The following TRIOBP variants were observed in gnomAD, a reference collection of about 807,000 sequenced individuals.
TRIOBP encodes the protein TRIO and F-actin binding protein, also known as TRIO and F-actin-binding protein.
A neutral mutation model predicts 238.8 loss-of-function variants in TRIOBP; 169 were observed. The ratio of observed to expected loss-of-function variants is 0.71; its 90% CI spans 0.62 to 0.80. TRIOBP has a LOEUF of 0.80. Among genes scored for constraint, TRIOBP ranks in the 30% least tolerant of loss-of-function variants. The pLI, the probability that TRIOBP is intolerant of heterozygous loss-of-function variation, is 0.00. For missense variants in TRIOBP, 2,838 were observed against 3,122.6 expected (o/e 0.91, Z 2.17); for synonymous variants, 1,150 against 1,274.4 (o/e 0.90, Z 2.08).
chr22:37,707,041 G>A (rs1922980932), intron 3 of TRIOBP, among the ~76,000 whole-genome samples: 3 of 152,196 alleles, frequency 2.0e-5, no homozygotes, highest in Admixed American at 2.0e-4. Context: ...GCCGAGGCGG[G>A]TGGATCACTT....
At position 37,731,437 on chromosome 22, in the gene TRIOBP, T is replaced by C. The variant is rs947465426; in HGVS notation, c.3948-1861T>C. On this transcript the variant is annotated intron_variant, in intron 7 of 23. Transcript: ENST00000644935. Reference sequence around the variant, plus strand: ...ATTACAGGTGTAAAGACACTGTACCTGGCCTCCCAACCCCATATATATATA... The same window carrying C: ...ATTACAGGTGTAAAGACACTGTACCCGGCCTCCCAACCCCATATATATATA... 2.7e-5 allele frequency among the ~76,000 whole-genome samples: 4 copies of C among 145,668 alleles called. No homozygotes were observed. In the Admixed American group the frequency reaches 2.9e-4, roughly 10 times the overall value.
chr22:37,771,913 A>G, intron 22 of TRIOBP, 177 bp downstream of exon 22: 1 of 707,744 alleles, frequency 1.4e-6, no homozygotes, highest in Non-Finnish European at 2.6e-6. Context: ...ACTGAGACTA[A>G]GAAAGGGGAA....
intron 12 of TRIOBP, among the ~76,000 whole-genome samples, chr22:37,752,047 C>T (rs1336886107): frequency 6.6e-6 from 1 of 152,190 alleles, no homozygotes; most frequent in African/African-American, 2.4e-5. Context: ...CACCCAGTGC[C>T]CCATCCCTTG....
intron 11 of TRIOBP, among the ~76,000 whole-genome samples, chr22:37,750,021 G>A (rs925512059): frequency 3.3e-5 from 5 of 152,170 alleles, no homozygotes; most frequent in African/African-American, 7.2e-5. Context: ...TGCCTGACAT[G>A]GTATGTGATG....
intron 4 of TRIOBP, among the ~76,000 whole-genome samples, chr22:37,712,404 T>A (rs1923298128): frequency 6.6e-6 from 1 of 152,060 alleles, no homozygotes; most frequent in Admixed American, 6.5e-5. Context: ...CGATCTTGGC[T>A]CACTGCAACC....
rs994318990 is a variant in TRIOBP, at chr22:37,721,018, C to T, written c.629-2167C>T. Among the ~76,000 whole-genome samples the T allele has an allele frequency of 1.1e-4, 14 of 133,116 alleles. No homozygotes were observed. The South Asian group carries it at 2.5e-3, about 24-fold the overall frequency. The allele number at this position is 133,116 out of a possible 152,430, so 87.3% of individuals were successfully genotyped here. On this transcript the variant is annotated intron_variant, in intron 6 of 23. Coordinates refer to ENST00000644935, the MANE Select transcript of TRIOBP (RefSeq NM_001039141.3). ...GATTACAGGCATGCACTACTGCATCCGGCTAATTTTTTTTTTTTTTTTTTG... is the reference window on the plus strand; with the variant it reads ...GATTACAGGCATGCACTACTGCATCTGGCTAATTTTTTTTTTTTTTTTTTG...
Position 37,733,370 on chromosome 22 carries a change from C to T in TRIOBP, c.4020C>T (p.Ser1340=). Residue 1340 remains serine, a synonymous_variant, in exon 8 of 24, where the codon AGC becomes AGT. Coordinates refer to ENST00000644935, the MANE Select transcript of TRIOBP (RefSeq NM_001039141.3). ...CACAGCAGCCCAGCCAAGGCCAGAG[C>T]CAACTTCTCCGAAGACAGTCCAGCC... The part of the protein sequence containing the change: ...GRSQQPSQGQ[S]QLLRRQSSPA... The T allele has an allele frequency of 1.3e-6, 2 of 1,551,390 alleles. No individual in the cohort carries two copies. The highest frequency in any genetic ancestry group is 1.2e-5 in the South Asian group (1 of 84,118).
At position 37,726,191 on chromosome 22, in the gene TRIOBP, T is replaced by A. The variant is rs201392187; in HGVS notation, c.3635T>A (p.Leu1212Gln). Residue 1212 changes from leucine (L) to glutamine (Q), a missense_variant, in exon 7 of 24, where the codon CTG (leucine) becomes CAG (glutamine). By Grantham distance (113) the Leu-to-Gln change is moderately radical (BLOSUM62 -2). Coordinates refer to ENST00000644935, the MANE Select transcript of TRIOBP (RefSeq NM_001039141.3). ...STDSLHGSPV[L>Q]IPQVCIGHRD... ...GACTCTCTGCATGGCTCCCCAGTGC[T>A]GATCCCCCAAGTGTGCATCGGGCAC... is the stretch of plus-strand genomic sequence containing the variant. 1.7e-4 allele frequency: 262 copies of A among 1,572,850 alleles called. No individual in the cohort carries two copies. In the African/African-American group the frequency reaches 3.1e-3, roughly 18 times the overall value.
intron 17 of TRIOBP, among the ~76,000 whole-genome samples, chr22:37,763,260 T>C (rs967232314): frequency 3.3e-5 from 5 of 152,212 alleles, no homozygotes; most frequent in Non-Finnish European, 7.3e-5. Context: ...CTGTGAGGCC[T>C]GCTTTACGGA....
rs1216164980 is a variant in TRIOBP at position 37,710,522 on chromosome 22, C to A, written c.210C>A (p.Gly70=). 1 of 1,612,278 alleles carries A rather than the reference C, an allele frequency of 6.2e-7. No individual in the cohort carries two copies. The highest frequency in any genetic ancestry group is 1.7e-5 in the Admixed American group (1 of 59,992). ...ACCCACTCAGCGCCTCAACCTCCGG[C>A]TGCCAGTCTGTGGTGGACCCAGGCC... is the stretch of plus-strand genomic sequence containing the variant. ...PEDPLSASTS[G]CQSVVDPGLR... The change falls in exon 4 of 24, where the codon GGC becomes GGA. Residue 70 remains glycine, a synonymous_variant. Coordinates refer to ENST00000644935, the MANE Select transcript of TRIOBP (RefSeq NM_001039141.3).
At chr22:37,718,853 T>G (rs959133664) in intron 6 of TRIOBP, among the ~76,000 whole-genome samples, 16 of 146,260 alleles carry the variant, frequency 1.1e-4, no homozygotes, top group Middle Eastern at 3.4e-3. Context: ...GTTTTTTTTT[T>G]TTTTTTTTTT....
intron 12 of TRIOBP, 71 bp downstream of exon 12, chr22:37,751,899 TG>T: frequency 1.4e-6 from 1 of 720,704 alleles, no homozygotes. Flanking sequence ...AGCCCAGGAG[TG>T]GGGGTGGGGC....
intron 6 of TRIOBP, among the ~76,000 whole-genome samples, chr22:37,717,796 G>A (rs1284403404): frequency 6.6e-6 from 1 of 152,254 alleles, no homozygotes; most frequent in East Asian, 1.9e-4. Context: ...ATCTCGTTCT[G>A]GGGCTGCAGG....
chr22:37,735,209 G>A lies in TRIOBP; in HGVS notation c.4873G>A (p.Glu1625Lys). The A allele has an allele frequency of 1.2e-6, 2 of 1,607,838 alleles. No homozygotes were observed. Among genetic ancestry groups the A allele is most frequent in the South Asian group, 1.1e-5 (1 of 90,950 alleles). ...PPGTNDVPEQ[E>K]SHSQPEGWAE... ...AGGCACAAACGATGTCCCTGAGCAGGAGTCACACAGCCAGCCAGAAGGCTG... is the reference window on the plus strand; with the variant it reads ...AGGCACAAACGATGTCCCTGAGCAGAAGTCACACAGCCAGCCAGAAGGCTG... The change falls in exon 9 of 24, where the codon GAG becomes AAG. Residue 1625 changes from glutamate to lysine, a missense_variant. Coordinates refer to ENST00000644935, the MANE Select transcript of TRIOBP (RefSeq NM_001039141.3).
At chr22:37,743,440 C>T (rs1475461604) in intron 11 of TRIOBP, among the ~76,000 whole-genome samples, 7 of 152,230 alleles carry the variant, frequency 4.6e-5, no homozygotes, top group African/African-American at 1.4e-4. Context: ...GTCCCTGAGG[C>T]TGTGCTGTCT....
In TRIOBP at chr22:37,772,784, C is replaced by T; in HGVS notation, c.*2+20C>T. On this transcript the variant is annotated intron_variant, in intron 23 of 23. Transcript: ENST00000644935. ...GTAGAGGTGGATGCCGAGGCGTGTG[C>T]CCTGCAGGGTGGGCAGGGGCTGAGG... The T allele has an allele frequency of 6.2e-7, 1 of 1,609,776 alleles. No individual in the cohort carries two copies. The highest frequency in any genetic ancestry group is 8.5e-7 in the Non-Finnish European group (1 of 1,179,040).
At position 37,725,093 on chromosome 22, in the gene TRIOBP, C is replaced by T. The variant is rs1924062078; in HGVS notation, c.2537C>T (p.Pro846Leu). 5.6e-6 allele frequency: 9 copies of T among 1,614,172 alleles called. No individual in the cohort carries two copies. Among genetic ancestry groups the T allele is most frequent in the Non-Finnish European group, 5.9e-6 (7 of 1,180,040 alleles). ...TGTACCAAACGAGATAACCTCAGAC[C>T]CACTTGTACACAGCGGGACCGCACA... ...TSCTKRDNLR[P>L]TCTQRDRTQS... Residue 846 changes from proline (P) to leucine (L), a missense_variant, in exon 7 of 24, where the codon CCC becomes CTC. By Grantham distance (98) the Pro-to-Leu change is moderately conservative. Coordinates refer to ENST00000644935, the MANE Select transcript of TRIOBP (RefSeq NM_001039141.3).
intron 9 of TRIOBP, among the ~76,000 whole-genome samples, chr22:37,738,381 T>A (rs1924780964): frequency 6.6e-6 from 1 of 151,714 alleles, no homozygotes; most frequent in African/African-American, 2.4e-5. Context: ...GAGAGGGATA[T>A]GTAGGTATTG....
chr22:37,757,797 C>A lies in TRIOBP; in HGVS notation c.5872C>A (p.Arg1958=), dbSNP rs754762610. Residue 1958 remains arginine (R), a synonymous_variant, in exon 16 of 24, where the codon CGG becomes AGG. Coordinates refer to ENST00000644935, the MANE Select transcript of TRIOBP (RefSeq NM_001039141.3). The part of the protein sequence containing the change: ...LSPLTQASPQ[R]ARTPARTPDR... The stretch of plus-strand genomic sequence containing the variant: ...GCCGCTGACCCAGGCTTCCCCGCAG[C>A]GGGCCCGCACCCCAGCCCGCACTCC... 1 of 1,547,036 alleles carries A rather than the reference C, an allele frequency of 6.5e-7. No individual in the cohort carries two copies.
Sources: allele counts gnomAD v4.1 joint callset (sites outside exome capture counted in the v4.1 genomes callset), GRCh38; gene constraint gnomAD v4.1.1; transcripts MANE v1.5; gene names NCBI Gene and HGNC (gene_info 2026-07-23, HGNC 2026-07-21).